GCNT1: variants seen among roughly 807,000 people sequenced by gnomAD.
The protein encoded by GCNT1 is beta-1,3-galactosyl-O-glycosyl-glycoprotein beta-1,6-N-acetylglucosaminyltransferase.
Under a neutral mutation model 26.2 loss-of-function variants are expected in GCNT1, and 16 were observed. The ratio of observed to expected loss-of-function variants is 0.61; its 90% confidence interval spans 0.41 to 0.93. The LOEUF is 0.93. Among genes scored for constraint, GCNT1 ranks in the 40% least tolerant of loss-of-function variants. The pLI, the probability that GCNT1 is intolerant of heterozygous loss-of-function variation, is 0.00. For synonymous variants in GCNT1, 183 were observed against 190.8 expected (o/e 0.96, Z 0.34); for missense variants, 477 against 526.7 (o/e 0.91, Z 0.92).
intron 1 of GCNT1, among the ~76,000 whole-genome samples, chr9:76,435,953 T>A (rs1002505850): frequency 1.2e-5 from 1 of 80,242 alleles, no homozygotes. Flanking sequence ...TCCCATATCT[T>A]TTTTTTTTTT....
upstream of GCNT1, among the ~76,000 whole-genome samples, chr9:76,454,743 C>T (rs528898470): frequency 5.5e-4 from 83 of 151,862 alleles, no homozygotes; most frequent in African/African-American, 1.7e-3. Flanking sequence ...CATCTGCCGC[C>T]GTGTAAGATG....
At chr9:76,399,596 G>T in the GCNT1 span, 2 of 1,129,264 alleles carry the variant, frequency 1.8e-6, no homozygotes, top group Admixed American at 3.4e-5. Context: ...AGCTGTTCTT[G>T]CATAGGCTCT....
At chr9:76,494,400 G>A (rs1328698642) in intron 2 of GCNT1, among the ~76,000 whole-genome samples, 2 of 152,142 alleles carry the variant, frequency 1.3e-5, no homozygotes, top group Admixed American at 6.6e-5. Flanking sequence ...ATGAAGTGGA[G>A]GGCCATACCC....
chr9:76,454,352 C>T (rs1160380031), upstream of GCNT1, among the ~76,000 whole-genome samples: 3 of 130,590 alleles, frequency 2.3e-5, no homozygotes, highest in Non-Finnish European at 4.6e-5. Flanking sequence ...GTACTCCAGC[C>T]TGGGCAACAA....
chr9:76,458,175 ATTTTTTT>A (rs779648273), upstream of GCNT1, among the ~76,000 whole-genome samples: 5 of 76,220 alleles, frequency 6.6e-5, no homozygotes, highest in Non-Finnish European at 9.1e-5. Context: ...TCTGAGTTGG[ATTTTTTT>A]TTTTTTTTTT....
At chr9:76,432,318 T>C (rs1823347109) in intron 1 of GCNT1, among the ~76,000 whole-genome samples, 1 of 152,072 alleles carries the variant, frequency 6.6e-6, no homozygotes, top group African/African-American at 2.4e-5. Context: ...TCTTAAAATG[T>C]CTAATATCTA....
chr9:76,476,010 AG>A (rs1824245803), intron 2 of GCNT1, among the ~76,000 whole-genome samples: 1 of 152,192 alleles, frequency 6.6e-6, no homozygotes, highest in Admixed American at 6.5e-5. Flanking sequence ...CAGAGGAAGG[AG>A]TTGAGCTGGA....
intron 2 of GCNT1, among the ~76,000 whole-genome samples, chr9:76,468,221 C>A (rs1254982652): frequency 6.6e-6 from 1 of 152,090 alleles, no homozygotes; most frequent in East Asian, 1.9e-4. Context: ...GTGTCTTGTA[C>A]GGTGAATGTG....
chr9:76,492,867 C>T (rs1564244590), intron 2 of GCNT1, among the ~76,000 whole-genome samples: 1 of 151,980 alleles, frequency 6.6e-6, no homozygotes, highest in Non-Finnish European at 1.5e-5. Context: ...CCTTTTAGGC[C>T]TGTTCCTCTT....
intron 1 of GCNT1, among the ~76,000 whole-genome samples, chr9:76,450,498 A>G (rs1823646953): frequency 6.6e-6 from 1 of 152,226 alleles, no homozygotes; most frequent in African/African-American, 2.4e-5. Context: ...AATGCCTTCT[A>G]GAAAGTTTGT....
chr9:76,443,553 G>A (rs879870368), intron 1 of GCNT1, among the ~76,000 whole-genome samples: 1 of 152,170 alleles, frequency 6.6e-6, no homozygotes, highest in East Asian at 1.9e-4. Flanking sequence ...CCCTGGGTGG[G>A]CCAGGTGTTC....
chr9:76,504,733 C>G lies in GCNT1; in HGVS notation c.*1065C>G. On this transcript the variant is annotated 3_prime_UTR_variant, in exon 4 of 4. Coordinates refer to ENST00000376730, the MANE Select transcript of GCNT1 (RefSeq NM_001490.5). ...TCCAACCTCCCAGGATTGTTTTATC[C>G]TAATGTCACCTGTATATTCATTTGA... 2.4e-6 allele frequency: 1 copy of G among 413,452 alleles called. No individual in the cohort carries two copies. The highest frequency in any genetic ancestry group is 6.3e-4 in the Middle Eastern group (1 of 1,590). The allele number at this position is 413,452 out of a possible 1,614,324, so 25.6% of individuals were successfully genotyped here.
upstream of GCNT1, among the ~76,000 whole-genome samples, chr9:76,455,964 T>C (rs983817335): frequency 1.3e-5 from 2 of 152,236 alleles, no homozygotes; most frequent in Admixed American, 1.3e-4. Context: ...TAAGAATATA[T>C]TGCTATTGTA....
chr9:76,399,691 T>C, the GCNT1 span: 1 of 667,710 alleles, frequency 1.5e-6, no homozygotes, highest in African/African-American at 1.8e-5. Context: ...CCCCAATCCA[T>C]TTTTACCCCT....
At chr9:76,423,188 T>C (rs1317277515) in intron 1 of GCNT1, among the ~76,000 whole-genome samples, 2 of 152,244 alleles carry the variant, frequency 1.3e-5, no homozygotes, top group African/African-American at 4.8e-5. Context: ...CATCATGTTT[T>C]CCTCCTTGGA....
intron 1 of GCNT1, among the ~76,000 whole-genome samples, chr9:76,430,888 G>C (rs1270408856): frequency 6.6e-6 from 1 of 152,102 alleles, no homozygotes; most frequent in Non-Finnish European, 1.5e-5. Flanking sequence ...GTTTCACCAT[G>C]TTGGCCAGGC....
chr9:76,443,618 A>G (rs1823517238), intron 1 of GCNT1, among the ~76,000 whole-genome samples: 1 of 152,214 alleles, frequency 6.6e-6, no homozygotes, highest in Admixed American at 6.5e-5. Context: ...TATGGCCATC[A>G]TGAACATGTC....
At chr9:76,471,391 T>A (rs527820996) in intron 2 of GCNT1, among the ~76,000 whole-genome samples, 1 of 152,184 alleles carries the variant, frequency 6.6e-6, no homozygotes, top group Non-Finnish European at 1.5e-5. Flanking sequence ...ACCCCTATAC[T>A]GAAGACCTAG....
chr9:76,472,753 T>TCTTTTC (rs1157285776), intron 2 of GCNT1, among the ~76,000 whole-genome samples: 2 of 76,206 alleles, frequency 2.6e-5, no homozygotes, highest in African/African-American at 1.2e-4. Context: ...TCTTTTCTTT[T>TCTTTTC]TTTTTTTTTT....
Sources: gnomAD v4.1 joint callset for allele counts (sites outside exome capture counted in the v4.1 genomes callset) on GRCh38, gnomAD v4.1.1 for gene constraint, MANE v1.5 for transcripts, NCBI Gene and HGNC (gene_info 2026-07-23, HGNC 2026-07-21) for gene names.